The following CDH4 variants were observed in gnomAD, a reference collection of about 807,000 sequenced individuals.
CDH4 encodes the protein cadherin-4.
In CDH4, 33 loss-of-function variants were observed where a neutral mutation model predicts 86.0. The observed-to-expected ratio is 0.38, with a 90% CI of 0.29 to 0.51. The LOEUF is 0.51. Ranked by LOEUF, CDH4 falls within the 20% of genes least tolerant of loss-of-function variation. The pLI, the probability that CDH4 is intolerant of heterozygous loss-of-function variation, is 0.86. For missense variants in CDH4, 1,114 were observed against 1,307.4 expected (o/e 0.85, Z 2.28); for synonymous variants, 555 against 549.4 (o/e 1.01, Z -0.14).
intron 2 of CDH4, among the ~76,000 whole-genome samples, chr20:61,726,537 A>T (rs781704658): frequency 5.9e-5 from 9 of 152,124 alleles, no homozygotes; most frequent in Non-Finnish European, 1.3e-4. Context: ...ATTCCCAGGC[A>T]TGTGGTATGG....
intron 6 of CDH4, among the ~76,000 whole-genome samples, chr20:61,859,884 C>A (rs1983237638): frequency 6.6e-6 from 1 of 152,274 alleles, no homozygotes; most frequent in Non-Finnish European, 1.5e-5. Flanking sequence ...GGAACATGCA[C>A]ACAGCACTGC....
chr20:61,794,341 G>A (rs1447526291), intron 4 of CDH4, among the ~76,000 whole-genome samples: 8 of 152,000 alleles, frequency 5.3e-5, no homozygotes, highest in East Asian at 1.9e-4. Flanking sequence ...CAAGACACCC[G>A]CCTGGGGGCA....
At chr20:61,271,905 C>T (rs1055320291) in intron 2 of CDH4, among the ~76,000 whole-genome samples, 2 of 151,516 alleles carry the variant, frequency 1.3e-5, no homozygotes, top group South Asian at 2.1e-4. Context: ...TGGGTTTGCA[C>T]GTGCTATGTT....
At chr20:61,819,061 T>G (rs938124089) in intron 4 of CDH4, among the ~76,000 whole-genome samples, 5 of 152,198 alleles carry the variant, frequency 3.3e-5, no homozygotes, top group African/African-American at 1.2e-4. Context: ...CCACATGCCC[T>G]GAGCAGACAG....
At chr20:61,767,577 G>A (rs1277960389) in intron 3 of CDH4, among the ~76,000 whole-genome samples, 1 of 152,182 alleles carries the variant, frequency 6.6e-6, no homozygotes, top group African/African-American at 2.4e-5. Context: ...GCACCTGGCG[G>A]GTGAGCTAAA....
chr20:61,435,057 C>T (rs781560856), intron 2 of CDH4, among the ~76,000 whole-genome samples: 32 of 152,186 alleles, frequency 2.1e-4, no homozygotes, highest in Non-Finnish European at 3.7e-4. Context: ...TTCCAACCCC[C>T]GCTTCACGTT....
At chr20:61,477,162 C>T (rs756379055) in intron 2 of CDH4, among the ~76,000 whole-genome samples, 22 of 152,188 alleles carry the variant, frequency 1.4e-4, no homozygotes, top group Non-Finnish European at 2.4e-4. Context: ...TGCCTGCCAG[C>T]GGAATCCTGT....
chr20:61,761,584 C>G (rs2088633000), intron 3 of CDH4, among the ~76,000 whole-genome samples: 1 of 152,132 alleles, frequency 6.6e-6, no homozygotes, highest in Non-Finnish European at 1.5e-5. Context: ...TGCCATGGGT[C>G]CGTGGTCACT....
In CDH4 at chr20:61,929,590, T is replaced by C; in HGVS notation, c.2006-19T>C. 1 of 1,593,668 alleles carries C rather than the reference T, an allele frequency of 6.3e-7. No individual in the cohort carries two copies. Among genetic ancestry groups the C allele is most frequent in the Non-Finnish European group, 8.6e-7 (1 of 1,161,792 alleles). On this transcript the variant is annotated intron_variant, in intron 12 of 15. Transcript: ENST00000614565. ...GAGGGCCGGGCTCTGGTTGAATGTTTACTGTTGCTTTGCACCAGGTGACTA... is the reference window on the plus strand; with the variant it reads ...GAGGGCCGGGCTCTGGTTGAATGTTCACTGTTGCTTTGCACCAGGTGACTA...
Position 61,458,545 on chromosome 20 carries a change from G to A in CDH4, c.169+203608G>A, listed in dbSNP as rs1600694123. On this transcript the variant is annotated intron_variant, in intron 2 of 15. Coordinates refer to ENST00000614565, the MANE Select transcript of CDH4 (RefSeq NM_001794.5). ...TGACAGTGCTGACACTGGTGGTGGT[G>A]ATGATAATGGAGGTGATGATAGTGA... is the stretch of plus-strand genomic sequence containing the variant. Among the ~76,000 whole-genome samples, 3 of 152,182 alleles carry A rather than the reference G, an allele frequency of 2.0e-5. 1 individual carries two copies. Among genetic ancestry groups the A allele is most frequent in the Admixed American group, 2.0e-4 (3 of 15,292 alleles).
At chr20:61,371,296 G>C (rs989906209) in intron 2 of CDH4, among the ~76,000 whole-genome samples, 2 of 152,176 alleles carry the variant, frequency 1.3e-5, no homozygotes, top group African/African-American at 2.4e-5. Context: ...TTGCCCTCTT[G>C]CAGCGTCCCC....
chr20:61,339,699 T>G (rs1032006258), intron 2 of CDH4, among the ~76,000 whole-genome samples: 1 of 152,188 alleles, frequency 6.6e-6, no homozygotes, highest in Non-Finnish European at 1.5e-5. Flanking sequence ...GACGTGGGCT[T>G]CCTGCCTGCT....
rs1344087133 is a variant in CDH4 at position 61,470,850 on chromosome 20, G to A, written c.169+215913G>A. 2.6e-5 allele frequency among the ~76,000 whole-genome samples: 4 copies of A among 152,194 alleles called. No individual in the cohort carries two copies. In the East Asian group the frequency reaches 5.8e-4, roughly 22 times the overall value. ...TGATATATCAGATTGATTGATTCAT[G>A]TATGTTGAACCATCTTCGCATCCCT... On this transcript the variant is annotated intron_variant, in intron 2 of 15. Coordinates refer to ENST00000614565, the MANE Select transcript of CDH4 (RefSeq NM_001794.5).
At position 61,509,584 on chromosome 20, in the gene CDH4, A is replaced by AG. The variant is rs531016631; in HGVS notation, c.170-233976dup. Among the ~76,000 whole-genome samples, 1,021 of 151,490 alleles carry AG rather than the reference A, an allele frequency of 6.7e-3. 6 individuals are homozygous for AG. The highest frequency in any genetic ancestry group is 0.011 in the Non-Finnish European group (751 of 67,868). ...AGCAGCATGGCAAGAGGAGGGTACCAGGGTGGGGGACAGGACCGTCATGCC... is the reference window on the plus strand; with the variant it reads ...AGCAGCATGGCAAGAGGAGGGTACCAGGGGTGGGGGACAGGACCGTCATGCC... On this transcript the variant is annotated intron_variant, in intron 2 of 15. Transcript: ENST00000614565.
chr20:61,589,317 A>G (rs2086500709), intron 2 of CDH4, among the ~76,000 whole-genome samples: 1 of 152,230 alleles, frequency 6.6e-6, no homozygotes, highest in Non-Finnish European at 1.5e-5. Context: ...AAAACGAAAA[A>G]GGTTCAACTT....
chr20:61,502,330 T>C (rs2085709258), intron 2 of CDH4, among the ~76,000 whole-genome samples: 1 of 152,280 alleles, frequency 6.6e-6, no homozygotes, highest in Non-Finnish European at 1.5e-5. Context: ...TGAGTGTAGC[T>C]TGGAAGCTTC....
intron 2 of CDH4, among the ~76,000 whole-genome samples, chr20:61,351,621 G>A (rs1432240706): frequency 2.0e-5 from 3 of 152,104 alleles, no homozygotes; most frequent in Non-Finnish European, 4.4e-5. Context: ...AGAATGCACC[G>A]TAATCATATC....
chr20:61,856,976 A>T (rs1002463994), intron 6 of CDH4, among the ~76,000 whole-genome samples: 2 of 152,098 alleles, frequency 1.3e-5, no homozygotes, highest in African/African-American at 4.8e-5. Flanking sequence ...CCTCCAAGAG[A>T]TCCTCTCTGC....
chr20:61,902,528 A>G lies in CDH4; in HGVS notation c.1188+7481A>G, dbSNP rs532293297. On this transcript the variant is annotated intron_variant, in intron 8 of 15. Coordinates refer to ENST00000614565, the MANE Select transcript of CDH4 (RefSeq NM_001794.5). This position sits in a 1 kb window ranked among gnomAD's most constrained non-coding sequence, Gnocchi z 4.6. ...AGCGGCCGTTGACACAGGGACAGGC[A>G]CACCTTTTCTTGAATGGTCTGGAGA... Among the ~76,000 whole-genome samples the G allele has an allele frequency of 6.6e-6, 1 of 152,256 alleles. No homozygotes were observed. The highest frequency in any genetic ancestry group is 1.5e-5 in the Non-Finnish European group (1 of 68,044).
Sources: gnomAD v4.1 joint callset for allele counts (sites outside exome capture counted in the v4.1 genomes callset) on GRCh38, gnomAD v4.1.1 for gene constraint, Gnocchi (gnomAD v3.1) non-coding constraint, MANE v1.5 for transcripts, NCBI Gene and HGNC (gene_info 2026-07-23, HGNC 2026-07-21) for gene names.